Variants in PLCL1 observed in about 807,000 individuals in gnomAD.
The protein encoded by PLCL1 is phospholipase C like 1 (inactive).
PLCL1 carries 41 observed loss-of-function variants against 84.4 expected under a neutral mutation model. The observed-to-expected ratio is 0.49, with a 90% CI of 0.38 to 0.63. The LOEUF is 0.63. PLCL1 is among the 30% of genes least tolerant of loss of function. The pLI is 0.00. For synonymous variants in PLCL1, 490 were observed against 488.3 expected (o/e 1.00, Z -0.05); for missense variants, 1,206 against 1,367.8 (o/e 0.88, Z 1.87).
intron 1 of PLCL1, among the ~76,000 whole-genome samples, chr2:197,996,375 CATT>C (rs1318454657): frequency 3.3e-5 from 5 of 152,036 alleles, no homozygotes; most frequent in Non-Finnish European, 4.4e-5. Flanking sequence ...AGATAAATGA[CATT>C]ATATAGTTGT....
intron 1 of PLCL1, among the ~76,000 whole-genome samples, chr2:197,865,287 T>C (rs1687507949): frequency 6.6e-6 from 1 of 152,080 alleles, no homozygotes; most frequent in African/African-American, 2.4e-5. Flanking sequence ...GAGTTATAGG[T>C]TGTATATTAT....
intron 3 of PLCL1, among the ~76,000 whole-genome samples, chr2:198,094,212 C>T (rs1159260865): frequency 6.6e-6 from 1 of 152,098 alleles, no homozygotes; most frequent in Non-Finnish European, 1.5e-5. Context: ...CAAACACCCA[C>T]CACCATGCCC....
At chr2:198,076,084 G>T (rs1000661383) in intron 1 of PLCL1, among the ~76,000 whole-genome samples, 34 of 152,146 alleles carry the variant, frequency 2.2e-4, no homozygotes, top group African/African-American at 7.5e-4. Context: ...ATGAGCAAAT[G>T]ATTGCAGTGA....
At chr2:197,970,748 T>C (rs941815390) in intron 1 of PLCL1, among the ~76,000 whole-genome samples, 20 of 152,356 alleles carry the variant, frequency 1.3e-4, no homozygotes, top group African/African-American at 4.8e-4. Flanking sequence ...TTTACCTTTT[T>C]TTCCCCCACA....
chr2:197,871,564 A>G (rs1471736162), intron 1 of PLCL1, among the ~76,000 whole-genome samples: 3 of 152,056 alleles, frequency 2.0e-5, no homozygotes, highest in Non-Finnish European at 2.9e-5. Context: ...GAGGCCAGAA[A>G]TCTGAAATCA....
chr2:198,112,946 A>G (rs547821395), intron 5 of PLCL1, among the ~76,000 whole-genome samples: 10 of 152,036 alleles, frequency 6.6e-5, no homozygotes, highest in South Asian at 4.1e-4. Context: ...TGGATGGATC[A>G]CTTCTAGAAA....
chr2:197,881,727 G>A (rs1687833339), intron 1 of PLCL1, among the ~76,000 whole-genome samples: 1 of 151,944 alleles, frequency 6.6e-6, no homozygotes, highest in Non-Finnish European at 1.5e-5. Context: ...GCAGCTTTTT[G>A]GTGTGTGTTT....
chr2:197,989,931 A>AT (rs1289823824), intron 1 of PLCL1, among the ~76,000 whole-genome samples: 1 of 152,206 alleles, frequency 6.6e-6, no homozygotes, highest in East Asian at 1.9e-4. Context: ...TAATATACAA[A>AT]TGAAGGAAAA....
At chr2:198,094,469 C>G (rs1032355022) in intron 3 of PLCL1, among the ~76,000 whole-genome samples, 1 of 151,728 alleles carries the variant, frequency 6.6e-6, no homozygotes, top group Non-Finnish European at 1.5e-5. Flanking sequence ...GGCCTATTGA[C>G]GTGGCAGAAT....
intron 1 of PLCL1, among the ~76,000 whole-genome samples, chr2:197,902,249 T>C (rs1688282479): frequency 6.6e-6 from 1 of 152,182 alleles, no homozygotes; most frequent in Non-Finnish European, 1.5e-5. Context: ...CTTGTTGCTC[T>C]TGTGAATCTA....
chr2:198,097,568 A>G (rs1266352201), intron 3 of PLCL1, among the ~76,000 whole-genome samples: 2 of 152,206 alleles, frequency 1.3e-5, no homozygotes, highest in Admixed American at 6.5e-5. Context: ...CTGGATAAAA[A>G]CAAATATTTC....
chr2:197,830,719 A>T (rs372776080), intron 1 of PLCL1, among the ~76,000 whole-genome samples: 1 of 152,152 alleles, frequency 6.6e-6, no homozygotes, highest in Non-Finnish European at 1.5e-5. Context: ...ACACATAATC[A>T]TCAGATTCAC....
At chr2:197,986,420 T>C (rs1049946068) in intron 1 of PLCL1, among the ~76,000 whole-genome samples, 7 of 152,208 alleles carry the variant, frequency 4.6e-5, no homozygotes, top group African/African-American at 1.4e-4. Context: ...AGTGTGATCA[T>C]AGCTCACTGC....
At chr2:197,955,594 T>C (rs1386934513) in intron 1 of PLCL1, among the ~76,000 whole-genome samples, 2 of 151,708 alleles carry the variant, frequency 1.3e-5, no homozygotes, top group Non-Finnish European at 2.9e-5. Context: ...TGTGTCCAAG[T>C]GTTCTCATTA....
chr2:198,002,549 T>G (rs1218794455), intron 1 of PLCL1, among the ~76,000 whole-genome samples: 3 of 152,244 alleles, frequency 2.0e-5, no homozygotes, highest in Non-Finnish European at 4.4e-5. Context: ...TTTTCTCTTT[T>G]GTTGACATTC....
At position 197,962,591 on chromosome 2, in the gene PLCL1, T is replaced by C. The variant is rs147895833; in HGVS notation, c.241-121167T>C. Among the ~76,000 whole-genome samples, 187 of 152,176 alleles carry C rather than the reference T, an allele frequency of 1.2e-3. 1 individual carries two copies. The highest frequency in any genetic ancestry group is 4.5e-3 in the Admixed American group (69 of 15,272). ...CTCAATTATTTGCCCTTTCTTTGTG[T>C]TACAATGGTCCAATTATACTTTTAG... is the stretch of plus-strand genomic sequence containing the variant. On this transcript the variant is annotated intron_variant, in intron 1 of 5. Transcript: ENST00000428675.
chr2:198,051,966 A>G (rs372381052), intron 1 of PLCL1, among the ~76,000 whole-genome samples: 1 of 149,944 alleles, frequency 6.7e-6, no homozygotes, highest in Non-Finnish European at 1.5e-5. Flanking sequence ...CTGGAGTGCA[A>G]TGGCGTGATC....
At chr2:197,974,118 C>G (rs1420509342) in intron 1 of PLCL1, among the ~76,000 whole-genome samples, 1 of 152,064 alleles carries the variant, frequency 6.6e-6, no homozygotes, top group Non-Finnish European at 1.5e-5. Context: ...ATGTGTTGGA[C>G]TTGGAAAAAC....
chr2:197,993,275 T>C (rs917141358), intron 1 of PLCL1, among the ~76,000 whole-genome samples: 2 of 152,224 alleles, frequency 1.3e-5, no homozygotes, highest in African/African-American at 4.8e-5. Context: ...TTGAGCATTT[T>C]TTCATGTGCT....
Sources: gnomAD v4.1 joint callset for allele counts (sites outside exome capture counted in the v4.1 genomes callset) on GRCh38, gnomAD v4.1.1 for gene constraint, MANE v1.5 for transcripts, NCBI Gene and HGNC (gene_info 2026-07-23, HGNC 2026-07-21) for gene names.